Variants in PITPNC1 observed in about 807,000 individuals in gnomAD.
PITPNC1 encodes phosphatidylinositol transfer protein cytoplasmic 1, also known as cytoplasmic phosphatidylinositol transfer protein 1.
A neutral mutation model predicts 44.7 loss-of-function variants in PITPNC1; 18 were observed. That is an observed-to-expected ratio of 0.40 (90% CI 0.28 to 0.60). PITPNC1 has a LOEUF of 0.60. Ranked by LOEUF, PITPNC1 falls within the 20% of genes least tolerant of loss-of-function variation. The pLI is 0.39. For synonymous variants in PITPNC1, 141 were observed against 149.6 expected, an observed-to-expected ratio of 0.94 and a Z score of 0.42; for missense variants, 290 against 418.4, an observed-to-expected ratio of 0.69 and a Z score of 2.68.
intron 1 of PITPNC1, among the ~76,000 whole-genome samples, chr17:67,502,405 C>G (rs538559717): frequency 1.1e-4 from 17 of 151,820 alleles, no homozygotes; most frequent in Admixed American, 3.3e-4. Flanking sequence ...ATGCAAGTGG[C>G]TTTGGAGAGT....
intron 1 of PITPNC1, among the ~76,000 whole-genome samples, chr17:67,473,223 T>G (rs1037317464): frequency 3.3e-5 from 5 of 152,006 alleles, no homozygotes; most frequent in Non-Finnish European, 7.4e-5. Flanking sequence ...TTTTTAGAGA[T>G]AGAGTCTCAC....
Position 67,508,597 on chromosome 17 carries a change from C to G in PITPNC1, c.49-24205C>G, listed in dbSNP as rs573904257. Reference sequence around the variant, plus strand: ...TCCTGTGACTTAGAATGCCTTAACTCTCTGGGAATGCAGCCCAGTAGATCT... The same window carrying G: ...TCCTGTGACTTAGAATGCCTTAACTGTCTGGGAATGCAGCCCAGTAGATCT... On this transcript the variant is annotated intron_variant, in intron 1 of 8. Coordinates refer to ENST00000581322, the MANE Select transcript of PITPNC1 (RefSeq NM_012417.4). The surrounding 1 kb of genome is among the most constrained non-coding windows in gnomAD (Gnocchi z 4.2). Among the ~76,000 whole-genome samples, 40 of 152,312 alleles carry G rather than the reference C, an allele frequency of 2.6e-4. 1 individual carries two copies. Among genetic ancestry groups the G allele is most frequent in the Middle Eastern group, 3.4e-3 (1 of 294 alleles).
At position 67,696,171 on chromosome 17, in the gene PITPNC1, T is replaced by C. The variant is rs755935504; in HGVS notation, c.*3283T>C. The C allele has an allele frequency of 6.6e-6, 1 of 152,176 alleles. No individual in the cohort carries two copies. The highest frequency in any genetic ancestry group is 6.5e-5 in the Admixed American group (1 of 15,280). 9.4% of individuals were successfully genotyped at this position (152,176 alleles called of 1,614,324 possible). A position where few individuals can be genotyped will look rare whatever the true frequency, so the allele number is the denominator to read the frequency against. On this transcript the variant is annotated 3_prime_UTR_variant, in exon 9 of 9. Coordinates refer to ENST00000581322, the MANE Select transcript of PITPNC1 (RefSeq NM_012417.4). ...GAAAATAAATCTCTAAGTAGCACAG[T>C]TGTGGGTATATTATGCAGACACTTA...
Position 67,604,044 on chromosome 17 carries a change from A to T in PITPNC1, c.366+25787A>T, listed in dbSNP as rs534323534. On this transcript the variant is annotated intron_variant, in intron 5 of 8. Coordinates refer to ENST00000581322, the MANE Select transcript of PITPNC1 (RefSeq NM_012417.4). ...AAGGGAAATAAGTCACTCCCATCTT[A>T]AAGAAGCATTGTCAAAGGAATATTT... 5.9e-5 allele frequency among the ~76,000 whole-genome samples: 9 copies of T among 152,300 alleles called. No individual in the cohort carries two copies. The South Asian group carries it at 1.9e-3, about 32-fold the overall frequency.
At chr17:67,560,331 T>C (rs16969827) in intron 4 of PITPNC1, among the ~76,000 whole-genome samples, 33,076 of 152,238 alleles carry the variant, frequency 0.22, 4,158 homozygotes, top group South Asian at 0.3. Flanking sequence ...TAAATTTCAG[T>C]GAGCTAATGT....
At chr17:67,393,915 A>G (rs1478332279) in intron 1 of PITPNC1, among the ~76,000 whole-genome samples, 1 of 152,184 alleles carries the variant, frequency 6.6e-6, no homozygotes, top group Non-Finnish European at 1.5e-5. Flanking sequence ...TGGCGTATGA[A>G]TAAGTTAACC....
At chr17:67,465,211 A>G (rs2039407395) in intron 1 of PITPNC1, among the ~76,000 whole-genome samples, 1 of 152,248 alleles carries the variant, frequency 6.6e-6, no homozygotes, top group Admixed American at 6.5e-5. Context: ...ATCGGTCCCC[A>G]GAGGCCACCT....
At position 67,653,844 on chromosome 17, in the gene PITPNC1, G is replaced by A. The variant is rs2042234775; in HGVS notation, c.463-15664G>A. Among the ~76,000 whole-genome samples, 6 of 152,334 alleles carry A rather than the reference G, an allele frequency of 3.9e-5. No homozygotes were observed. The South Asian group carries it at 1.0e-3, about 26-fold the overall frequency. On this transcript the variant is annotated intron_variant, in intron 6 of 8. Transcript: ENST00000581322. The stretch of plus-strand genomic sequence containing the variant: ...GGCTTGGAAGATTACTGGAAGGAAA[G>A]GACAGCGTATGCCTCTGTATGCCTT...
At chr17:67,476,464 G>A (rs2039631115) in intron 1 of PITPNC1, among the ~76,000 whole-genome samples, 2 of 151,912 alleles carry the variant, frequency 1.3e-5, no homozygotes, top group Non-Finnish European at 2.9e-5. Flanking sequence ...TGGGATTAAG[G>A]TGTTACCCAC....
At position 67,508,270 on chromosome 17, in the gene PITPNC1, G is replaced by T. The variant is rs2040133456; in HGVS notation, c.49-24532G>T. 6.6e-6 allele frequency among the ~76,000 whole-genome samples: 1 copy of T among 152,212 alleles called. No individual in the cohort carries two copies. The highest frequency in any genetic ancestry group is 6.5e-5 in the Admixed American group (1 of 15,286). ...TTTATTAAGAAAGTAGAGAATAAAA[G>T]AATGGCTACTCCATAAACAGAGCAG... On this transcript the variant is annotated intron_variant, in intron 1 of 8. Coordinates refer to ENST00000581322, the MANE Select transcript of PITPNC1 (RefSeq NM_012417.4). The surrounding 1 kb of genome is among the most constrained non-coding windows in gnomAD (Gnocchi z 4.2).
chr17:67,508,116 G>C lies in PITPNC1; in HGVS notation c.49-24686G>C, dbSNP rs911252282. 5.3e-5 allele frequency among the ~76,000 whole-genome samples: 8 copies of C among 152,172 alleles called. No individual in the cohort carries two copies. The highest frequency in any genetic ancestry group is 1.9e-4 in the African/African-American group (8 of 41,450). ...TCCCATCCTACCAGTTACGCAGCCA[G>C]AAAATTGAATGTCCTCATGAAATTT... On this transcript the variant is annotated intron_variant, in intron 1 of 8. Coordinates refer to ENST00000581322, the MANE Select transcript of PITPNC1 (RefSeq NM_012417.4). The surrounding 1 kb of genome is among the most constrained non-coding windows in gnomAD (Gnocchi z 4.2).
At chr17:67,609,217 C>G (rs1359249082) in intron 5 of PITPNC1, among the ~76,000 whole-genome samples, 1 of 151,390 alleles carries the variant, frequency 6.6e-6, no homozygotes, top group Non-Finnish European at 1.5e-5. Flanking sequence ...CCTGGTTTCC[C>G]AAGCTGTGTT....
intron 5 of PITPNC1, among the ~76,000 whole-genome samples, chr17:67,599,060 G>A (rs997143415): frequency 1.5e-5 from 1 of 67,878 alleles, no homozygotes; most frequent in South Asian, 5.3e-4. Context: ...TTTTTACCAT[G>A]TTGGCCAGGC....
chr17:67,654,626 G>T (rs767028076), intron 6 of PITPNC1, among the ~76,000 whole-genome samples: 2 of 152,052 alleles, frequency 1.3e-5, no homozygotes, highest in Non-Finnish European at 2.9e-5. Flanking sequence ...GCAACAACCC[G>T]CAAGGAAGTT....
intron 2 of PITPNC1, among the ~76,000 whole-genome samples, chr17:67,537,816 A>T (rs1434585543): frequency 2.0e-4 from 1 of 4,954 alleles, no homozygotes; most frequent in Non-Finnish European, 4.9e-4. Context: ...CTAAAAATAC[A>T]AAAAAATTAG....
At chr17:67,559,973 C>T (rs899400321) in intron 4 of PITPNC1, among the ~76,000 whole-genome samples, 1 of 152,170 alleles carries the variant, frequency 6.6e-6, no homozygotes, top group Admixed American at 6.5e-5. Flanking sequence ...CAAAAATCGT[C>T]ACAGTTCTAG....
At chr17:67,623,304 A>G (rs1021456160) in intron 5 of PITPNC1, among the ~76,000 whole-genome samples, 2 of 152,108 alleles carry the variant, frequency 1.3e-5, no homozygotes, top group Admixed American at 1.3e-4. Context: ...AAATCTACAC[A>G]GCTACTAGGC....
At chr17:67,552,403 T>C (rs2040778787) in intron 3 of PITPNC1, 58 bp downstream of exon 3, 3 of 879,600 alleles carry the variant, frequency 3.4e-6, no homozygotes, top group Admixed American at 1.7e-5. Context: ...ATAGCATAGT[T>C]GAATTTCACT....
chr17:67,635,420 T>C (rs978096906), intron 6 of PITPNC1, among the ~76,000 whole-genome samples: 1 of 152,082 alleles, frequency 6.6e-6, no homozygotes, highest in African/African-American at 2.4e-5. Flanking sequence ...GGGTGCTGCT[T>C]ACTGAAATGG....
Sources: gnomAD v4.1 joint callset for allele counts (sites outside exome capture counted in the v4.1 genomes callset) on GRCh38, gnomAD v4.1.1 for gene constraint, Gnocchi (gnomAD v3.1) non-coding constraint, MANE v1.5 for transcripts, NCBI Gene and HGNC (gene_info 2026-07-23, HGNC 2026-07-21) for gene names.